The following RPS6KA5 variants were observed in gnomAD, a reference collection of about 807,000 sequenced individuals.
RPS6KA5 encodes the protein ribosomal protein S6 kinase alpha-5.
Under a neutral mutation model 85.5 loss-of-function variants are expected in RPS6KA5, and 27 were observed. The ratio of observed to expected loss-of-function variants is 0.32; its 90% CI spans 0.23 to 0.44. The LOEUF (loss-of-function observed/expected upper bound fraction) is 0.44, where lower values mean the gene tolerates loss of function less well. RPS6KA5 is among the 20% of genes least tolerant of loss of function. RPS6KA5 has a pLI of 1.00. For missense variants in RPS6KA5, 811 were observed against 980.9 expected (o/e 0.83, Z 2.31); for synonymous variants, 334 against 348.2 (o/e 0.96, Z 0.46).
intron 5 of RPS6KA5, among the ~76,000 whole-genome samples, chr14:90,942,568 C>G (rs1333767901): frequency 1.3e-5 from 2 of 152,182 alleles, no homozygotes; most frequent in African/African-American, 4.8e-5. Context: ...AAAATCTGCA[C>G]ATTAGCCACC....
At chr14:90,905,241 C>T (rs10136737) in intron 8 of RPS6KA5, among the ~76,000 whole-genome samples, 2,221 of 151,980 alleles carry the variant, frequency 0.015, 68 homozygotes, top group African/African-American at 0.051. Flanking sequence ...AAAATAATAA[C>T]AACATGAAGC....
At chr14:91,056,280 T>C (rs1236148094) in intron 1 of RPS6KA5, among the ~76,000 whole-genome samples, 1 of 152,214 alleles carries the variant, frequency 6.6e-6, no homozygotes, top group Non-Finnish European at 1.5e-5. Flanking sequence ...GTTTTATCCC[T>C]ATCCATGTTT....
chr14:90,919,771 T>C (rs1396222706), intron 7 of RPS6KA5, among the ~76,000 whole-genome samples: 11 of 152,344 alleles, frequency 7.2e-5, no homozygotes, highest in Middle Eastern at 3.4e-3. Flanking sequence ...TACAAGAGGA[T>C]AATTTTACGA....
intron 1 of RPS6KA5, among the ~76,000 whole-genome samples, chr14:91,032,425 C>A (rs1254911356): frequency 3.3e-5 from 5 of 152,086 alleles, no homozygotes; most frequent in Non-Finnish European, 7.3e-5. Flanking sequence ...GCTAAACACG[C>A]ACAGTTACTA....
chr14:91,023,902 G>T (rs1327962891), intron 1 of RPS6KA5, among the ~76,000 whole-genome samples: 1 of 152,142 alleles, frequency 6.6e-6, no homozygotes, highest in Non-Finnish European at 1.5e-5. Context: ...ACTGATAATT[G>T]TATCATTATC....
At chr14:91,041,909 A>G (rs1462271628) in intron 1 of RPS6KA5, among the ~76,000 whole-genome samples, 1 of 152,250 alleles carries the variant, frequency 6.6e-6, no homozygotes, top group East Asian at 1.9e-4. Context: ...TCAATAAGAA[A>G]ACAAATGCTT....
intron 2 of RPS6KA5, among the ~76,000 whole-genome samples, chr14:90,996,532 T>C (rs1033591630): frequency 3.3e-5 from 5 of 152,298 alleles, no homozygotes; most frequent in East Asian, 3.9e-4. Context: ...GCTTTGACCA[T>C]ATCTAGAATA....
chr14:90,916,984 ATTTTAT>A (rs1448425208), intron 7 of RPS6KA5, among the ~76,000 whole-genome samples: 1 of 152,178 alleles, frequency 6.6e-6, no homozygotes, highest in African/African-American at 2.4e-5. Flanking sequence ...AAGGAAAATT[ATTTTAT>A]AAAGATTGCC....
At chr14:90,876,999 T>C (rs565563188) in intron 14 of RPS6KA5, among the ~76,000 whole-genome samples, 1 of 151,870 alleles carries the variant, frequency 6.6e-6, no homozygotes, top group Non-Finnish European at 1.5e-5. Flanking sequence ...AAAAATAACA[T>C]AAAAAGGACA....
In RPS6KA5 at chr14:90,886,141, A is replaced by C. The variant is rs149586122; in HGVS notation, c.1836+4346T>G. Among the ~76,000 whole-genome samples, 46 of 152,292 alleles carry C rather than the reference A, an allele frequency of 3.0e-4. 1 individual carries two copies. The highest frequency in any genetic ancestry group is 9.9e-4 in the African/African-American group (41 of 41,566). ...CTCATATATATACATATACACATAC[A>C]TATAAAGAAGAGCGTGCACACTAGA... On this transcript the variant is annotated intron_variant, in intron 14 of 16. Coordinates refer to ENST00000614987, the MANE Select transcript of RPS6KA5 (RefSeq NM_004755.4).
intron 3 of RPS6KA5, among the ~76,000 whole-genome samples, chr14:90,951,259 G>A (rs1439089653): frequency 1.3e-5 from 2 of 152,072 alleles, no homozygotes; most frequent in African/African-American, 2.4e-5. Flanking sequence ...CGAGGCGGGC[G>A]GGTCACCAGG....
chr14:91,032,465 A>C (rs1485156014), intron 1 of RPS6KA5, among the ~76,000 whole-genome samples: 3 of 152,180 alleles, frequency 2.0e-5, no homozygotes, highest in Non-Finnish European at 4.4e-5. Flanking sequence ...AAGATGATGA[A>C]ACAGTTCCTC....
chr14:91,041,083 A>T (rs946588396), intron 1 of RPS6KA5, among the ~76,000 whole-genome samples: 2 of 152,172 alleles, frequency 1.3e-5, no homozygotes, highest in African/African-American at 4.8e-5. Context: ...CTTTTTACAA[A>T]AAGACTCAAA....
At position 90,867,225 on chromosome 14, in the gene RPS6KA5, T is replaced by C. The variant is rs1196098054; in HGVS notation, c.*4849A>G. The C allele has an allele frequency of 6.6e-6, 1 of 152,210 alleles. No individual in the cohort carries two copies. The allele number at this position is 152,210 out of a possible 1,614,324, so 9.4% of individuals were successfully genotyped here. A position where few individuals can be genotyped will look rare whatever the true frequency, so the allele number is the denominator to read the frequency against. On this transcript the variant is annotated 3_prime_UTR_variant, in exon 17 of 17. Coordinates refer to ENST00000614987, the MANE Select transcript of RPS6KA5 (RefSeq NM_004755.4). ...CCATAAAACTTAAAATTTCCTTTTC[T>C]AAGTCATGACATTTCTCTTTTGTTC... is the stretch of plus-strand genomic sequence containing the variant.
chr14:91,001,176 G>T lies in RPS6KA5; in HGVS notation c.104-17C>A. ...TCAAATTAGCTAAAAGAAAAAAAGA[G>T]GAAAAAAAAAACAAGAGGGTCAGCA... On this transcript the variant is annotated splice_polypyrimidine_tract_variant and intron_variant, in intron 1 of 16. Coordinates refer to ENST00000614987, the MANE Select transcript of RPS6KA5 (RefSeq NM_004755.4). 1.3e-6 allele frequency: 2 copies of T among 1,552,080 alleles called. No homozygotes were observed. Among genetic ancestry groups the T allele is most frequent in the Non-Finnish European group, 1.8e-6 (2 of 1,141,238 alleles).
At chr14:90,898,027 T>C (rs1255186152) in intron 12 of RPS6KA5, among the ~76,000 whole-genome samples, 2 of 152,190 alleles carry the variant, frequency 1.3e-5, no homozygotes. Context: ...ATTTCTTTTC[T>C]GACTACAAGA....
At chr14:91,000,420 T>C (rs11851145) in intron 2 of RPS6KA5, among the ~76,000 whole-genome samples, 2,728 of 152,296 alleles carry the variant, frequency 0.018, 65 homozygotes, top group African/African-American at 0.063. Flanking sequence ...TGAACAAAGA[T>C]TGAATAAGAC....
At chr14:90,890,364 G>T in intron 14 of RPS6KA5, 123 bp downstream of exon 14, 2 of 674,032 alleles carry the variant, frequency 3.0e-6, no homozygotes, top group Non-Finnish European at 4.7e-6. Context: ...CTAACTGGCT[G>T]TACAGAAAAG....
chr14:90,888,764 TAAAGAA>T (rs1053261115), intron 14 of RPS6KA5, among the ~76,000 whole-genome samples: 1 of 152,138 alleles, frequency 6.6e-6, no homozygotes, highest in African/African-American at 2.4e-5. Flanking sequence ...TCAGATATCA[TAAAGAA>T]AAAGACTGAC....
Sources: gnomAD v4.1 joint callset for allele counts (sites outside exome capture counted in the v4.1 genomes callset) on GRCh38, gnomAD v4.1.1 for gene constraint, MANE v1.5 for transcripts, NCBI Gene and HGNC (gene_info 2026-07-23, HGNC 2026-07-21) for gene names.